The following TPX2 variants were observed in gnomAD, a reference collection of about 807,000 sequenced individuals.
The protein encoded by TPX2 is targeting protein for Xklp2.
Under a neutral mutation model 93.6 loss-of-function variants are expected in TPX2, and 21 were observed. That is an observed-to-expected ratio of 0.22 (90% CI 0.16 to 0.32). The LOEUF is 0.32. TPX2 is among the 10% of genes least tolerant of loss of function. The pLI is 1.00. For missense variants in TPX2, 776 were observed against 871.1 expected, an observed-to-expected ratio of 0.89 and a Z score of 1.37; for synonymous variants, 281 against 298.3, an observed-to-expected ratio of 0.94 and a Z score of 0.60.
chr20:31,746,491 T>A (rs1347164850), intron 2 of TPX2, among the ~76,000 whole-genome samples: 1 of 152,228 alleles, frequency 6.6e-6, no homozygotes, highest in Non-Finnish European at 1.5e-5. Flanking sequence ...TAACTAACTA[T>A]ACTTCTAATG....
chr20:31,762,641 C>T (rs2061897228), intron 4 of TPX2, among the ~76,000 whole-genome samples: 1 of 152,050 alleles, frequency 6.6e-6, no homozygotes, highest in Non-Finnish European at 1.5e-5. Context: ...TGAACCACCG[C>T]CCTCGGCCTC....
At chr20:31,794,778 GTGTGTGTGTGTGTA>G (rs1231629484) in intron 15 of TPX2, among the ~76,000 whole-genome samples, 9 of 151,824 alleles carry the variant, frequency 5.9e-5, no homozygotes, top group Non-Finnish European at 1.0e-4. Flanking sequence ...GTGTGTGTGT[GTGTGTGTGTGTGTA>G]TGTGTGTGTG....
chr20:31,775,945 GA>G lies in TPX2; in HGVS notation c.692del (p.Lys231ArgfsTer13). The G allele has an allele frequency of 6.3e-7, 1 of 1,594,592 alleles. No homozygotes were observed. Among genetic ancestry groups the G allele is most frequent in the Non-Finnish European group, 8.6e-7 (1 of 1,168,670 alleles). On this transcript the variant is annotated frameshift_variant, in exon 8 of 18. Coordinates refer to ENST00000300403, the MANE Select transcript of TPX2 (RefSeq NM_012112.5). LOFTEE classifies it high-confidence loss of function. ...TGCAGCAAGAGGTGGTGGAGATGCG[GA>G]AAAAGAATGAAGAATTCAAGAAACT... ...KMQQEVVEMRKKNEEFKKLAL... is the reference protein window; with the variant it reads ...KMQQEVVEMRXKNEEFKKLAL...
intron 15 of TPX2, among the ~76,000 whole-genome samples, chr20:31,795,054 C>T (rs1300453011): frequency 6.6e-6 from 1 of 152,130 alleles, no homozygotes; most frequent in African/African-American, 2.4e-5. Context: ...ATTTCCTGAC[C>T]TCGTGATCTG....
chr20:31,760,623 G>A (rs2061883689), intron 4 of TPX2, among the ~76,000 whole-genome samples: 1 of 152,138 alleles, frequency 6.6e-6, no homozygotes, highest in Non-Finnish European at 1.5e-5. Flanking sequence ...GCTTCCCAAA[G>A]TGCTGGGATT....
intron 12 of TPX2, among the ~76,000 whole-genome samples, chr20:31,787,573 T>C (rs2062074669): frequency 6.6e-6 from 1 of 152,130 alleles, no homozygotes; most frequent in Non-Finnish European, 1.5e-5. Flanking sequence ...TGTACCTTTC[T>C]CCAAAGATGA....
chr20:31,744,410 G>A (rs973930756), intron 2 of TPX2, among the ~76,000 whole-genome samples: 4 of 151,386 alleles, frequency 2.6e-5, no homozygotes, highest in Non-Finnish European at 2.9e-5. Context: ...TGCCCACCTC[G>A]GCCTCCCAAA....
chr20:31,769,426 C>G (rs1172807449), intron 5 of TPX2, among the ~76,000 whole-genome samples: 1 of 150,960 alleles, frequency 6.6e-6, no homozygotes, highest in Non-Finnish European at 1.5e-5. Context: ...TCACGCCATT[C>G]TCCTGCCTCA....
chr20:31,761,907 A>G (rs2061893406), intron 4 of TPX2, among the ~76,000 whole-genome samples: 1 of 152,118 alleles, frequency 6.6e-6, no homozygotes. Flanking sequence ...CTGCATCCTC[A>G]GGGATGCAGA....
chr20:31,776,612 GCCTCC>G (rs2062001638), intron 8 of TPX2, among the ~76,000 whole-genome samples: 1 of 151,114 alleles, frequency 6.6e-6, no homozygotes, highest in Admixed American at 6.6e-5. Flanking sequence ...CACAACCTCT[GCCTCC>G]CGGGTTCAAG....
At chr20:31,748,848 G>A (rs890677862) in intron 2 of TPX2, among the ~76,000 whole-genome samples, 2 of 152,098 alleles carry the variant, frequency 1.3e-5, no homozygotes, top group Admixed American at 6.5e-5. Context: ...GATGATTTAT[G>A]TGAAGTGTCT....
At chr20:31,797,597 C>T in intron 16 of TPX2, 82 bp downstream of exon 16, 3 of 1,238,230 alleles carry the variant, frequency 2.4e-6, no homozygotes, top group Non-Finnish European at 3.5e-6. Context: ...TGTGTCAGTA[C>T]AATGCTGTGT....
chr20:31,778,695 A>G (rs1262926465), intron 9 of TPX2, 118 bp from the exon 10 acceptor site: 4 of 913,288 alleles, frequency 4.4e-6, no homozygotes, highest in Non-Finnish European at 6.5e-6. Flanking sequence ...ACTTCAGAAT[A>G]ATAATCTTGG....
intron 2 of TPX2, among the ~76,000 whole-genome samples, chr20:31,744,288 G>C (rs1228210643): frequency 6.8e-6 from 1 of 146,466 alleles, no homozygotes; most frequent in African/African-American, 2.6e-5. Context: ...TCAGCCTCCC[G>C]AGTAGCTGGG....
intron 2 of TPX2, among the ~76,000 whole-genome samples, chr20:31,744,663 G>A (rs1466152065): frequency 5.9e-5 from 9 of 152,016 alleles, no homozygotes; most frequent in Admixed American, 5.3e-4. Flanking sequence ...CTCTCGAGTT[G>A]CTGAAACTAC....
intron 7 of TPX2, 58 bp downstream of exon 7, chr20:31,771,740 C>T (rs2061965837): frequency 6.4e-7 from 1 of 1,555,592 alleles, no homozygotes; most frequent in East Asian, 2.3e-5. Context: ...TACAGATTTA[C>T]ATCTACAACC....
intron 12 of TPX2, among the ~76,000 whole-genome samples, chr20:31,784,883 C>G (rs531642710): frequency 6.6e-6 from 1 of 152,290 alleles, no homozygotes; most frequent in African/African-American, 2.4e-5. Context: ...GGACCTCACC[C>G]GCCGCCACTG....
intron 10 of TPX2, 137 bp from the exon 11 acceptor site, chr20:31,782,112 T>C (rs2062037142): frequency 2.6e-6 from 3 of 1,142,488 alleles, no homozygotes; most frequent in South Asian, 3.6e-5. Context: ...GTTTGACCAA[T>C]GTAAGCTGAG....
rs923599384 is a variant in TPX2 at position 31,799,919 on chromosome 20, A to G, written c.2134-1051A>G. ...TCTCAAAAAAAAAAAAAAAAAAAAAAAAGAAGTGTAAGTTGTTGAGGTTTT... is the reference window on the plus strand; with the variant it reads ...TCTCAAAAAAAAAAAAAAAAAAAAAGAAGAAGTGTAAGTTGTTGAGGTTTT... On this transcript the variant is annotated intron_variant, in intron 17 of 17. Coordinates refer to ENST00000300403, the MANE Select transcript of TPX2 (RefSeq NM_012112.5). Among the ~76,000 whole-genome samples, 15 of 150,718 alleles carry G rather than the reference A, an allele frequency of 1.0e-4. No individual in the cohort carries two copies. In the East Asian group the frequency reaches 2.1e-3, roughly 22 times the overall value.
Sources: allele counts gnomAD v4.1 joint callset (sites outside exome capture counted in the v4.1 genomes callset), GRCh38; gene constraint gnomAD v4.1.1; transcripts MANE v1.5; gene names NCBI Gene and HGNC (gene_info 2026-07-23, HGNC 2026-07-21).